HHIP: variants seen among roughly 807,000 people sequenced by gnomAD.
HHIP encodes the protein hedgehog interacting protein.
Under a neutral mutation model 74.0 loss-of-function variants are expected in HHIP, and 12 were observed. That is an observed-to-expected ratio of 0.16 (90% CI 0.10 to 0.26). HHIP has a LOEUF of 0.26. HHIP is among the 10% of genes least tolerant of loss of function. The pLI is 1.00. For synonymous variants in HHIP, 309 were observed against 311.6 expected (o/e 0.99, Z 0.09); for missense variants, 788 against 845.0 (o/e 0.93, Z 0.84).
chr4:144,689,965 C>T (rs781698985), intron 4 of HHIP, among the ~76,000 whole-genome samples: 3 of 152,050 alleles, frequency 2.0e-5, no homozygotes, highest in South Asian at 2.1e-4. Context: ...TGCACCATCA[C>T]GCCCAGCTAA....
chr4:144,708,849 T>C (rs1038443190), intron 7 of HHIP, among the ~76,000 whole-genome samples: 1 of 152,204 alleles, frequency 6.6e-6, no homozygotes, highest in Non-Finnish European at 1.5e-5. Context: ...CAGTGTTAAT[T>C]TGCAAGGAGT....
chr4:144,662,584 G>C (rs1251860779), intron 4 of HHIP, among the ~76,000 whole-genome samples: 2 of 152,196 alleles, frequency 1.3e-5, no homozygotes, highest in African/African-American at 4.8e-5. Flanking sequence ...GTAGTGATTT[G>C]ATAGCTCTTT....
In HHIP at chr4:144,743,800, G is replaced by C. The variant is rs1469057716; in HGVS notation, c.*5843G>C. ...TAAATATGAAATAAGCTTTGTCTTTGCAGTTACAAACTAATTCTTGTACAT... is the reference window on the plus strand; with the variant it reads ...TAAATATGAAATAAGCTTTGTCTTTCCAGTTACAAACTAATTCTTGTACAT... On this transcript the variant is annotated 3_prime_UTR_variant, in exon 13 of 13. Transcript: ENST00000296575. 1.3e-5 allele frequency: 2 copies of C among 151,992 alleles called. No individual in the cohort carries two copies. Among genetic ancestry groups the C allele is most frequent in the African/African-American group, 4.8e-5 (2 of 41,412 alleles). The allele number at this position is 151,992 out of a possible 1,614,324, so 9.4% of individuals were successfully genotyped here. A position where few individuals can be genotyped will look rare whatever the true frequency, so the allele number is the denominator to read the frequency against.
rs1731059565 is a variant in HHIP at position 144,734,767 on chromosome 4, C to G, written c.1787C>G (p.Ala596Gly). 1.3e-6 allele frequency: 2 copies of G among 1,597,456 alleles called. No individual in the cohort carries two copies. Among genetic ancestry groups the G allele is most frequent in the Non-Finnish European group, 1.7e-6 (2 of 1,167,250 alleles). ...CCTTTAATGCCTGAGGAATGCAGAGCCACGGTACAACCTGCACAGACACTG... is the reference window on the plus strand; with the variant it reads ...CCTTTAATGCCTGAGGAATGCAGAGGCACGGTACAACCTGCACAGACACTG... Reference protein sequence around the residue: ...KRPLMPEECRATVQPAQTLTS... With the variant: ...KRPLMPEECRGTVQPAQTLTS... The change falls in exon 12 of 13, where the codon GCC (alanine) becomes GGC (glycine). Residue 596 changes from alanine (A) to glycine (G), a missense_variant. Ala to Gly is a moderately conservative substitution (Grantham distance 60). Around this residue, in one of 3 missense-constraint regions of HHIP, gnomAD observed 343 missense variants for 347.9 expected, o/e 0.99. Coordinates refer to ENST00000296575, the MANE Select transcript of HHIP (RefSeq NM_022475.3).
intron 4 of HHIP, among the ~76,000 whole-genome samples, chr4:144,679,472 G>A (rs1320803450): frequency 6.6e-6 from 1 of 152,104 alleles, no homozygotes; most frequent in Non-Finnish European, 1.5e-5. Flanking sequence ...GTCCTGAATG[G>A]TATTGCCTAA....
intron 4 of HHIP, among the ~76,000 whole-genome samples, chr4:144,682,952 T>C (rs2126623827): frequency 6.6e-6 from 1 of 152,294 alleles, no homozygotes; most frequent in South Asian, 2.1e-4. Flanking sequence ...AAACAAAGCT[T>C]GGATATATTT....
chr4:144,656,027 C>T (rs1323489066), intron 2 of HHIP, among the ~76,000 whole-genome samples: 1 of 152,014 alleles, frequency 6.6e-6, no homozygotes, highest in Non-Finnish European at 1.5e-5. Flanking sequence ...TAGACCTGAC[C>T]ATATTATGAT....
rs1731301387 is a variant in HHIP, at chr4:144,742,977, ATATATACAT to A, written c.*5027_*5035del. 2.9e-3 allele frequency: 4 copies of A among 1,402 alleles called. No individual in the cohort carries two copies. The highest frequency in any genetic ancestry group is 0.029 in the South Asian group (1 of 34). 0.1% of individuals were successfully genotyped at this position (1,402 alleles called of 1,614,324 possible). A position where few individuals can be genotyped will look rare whatever the true frequency, so the allele number is the denominator to read the frequency against. On this transcript the variant is annotated 3_prime_UTR_variant, in exon 13 of 13. Transcript: ENST00000296575. Reference sequence around the variant, plus strand: ...TTATACATATAAGATATATGTATATATATATACATTATATATATATAATATATATATATT... The same window carrying A: ...TTATACATATAAGATATATGTATATATATATATATATAATATATATATATT...
intron 10 of HHIP, 37 bp from the exon 11 acceptor site, chr4:144,718,838 C>A: frequency 8.0e-7 from 1 of 1,249,844 alleles, no homozygotes; most frequent in Non-Finnish European, 1.2e-6. Flanking sequence ...ACCTCTACTG[C>A]TATAAATTTG....
intron 1 of HHIP, among the ~76,000 whole-genome samples, chr4:144,649,470 T>C (rs985446032): frequency 1.3e-5 from 2 of 152,310 alleles, no homozygotes; most frequent in East Asian, 3.9e-4. Context: ...ATTTTTTGTA[T>C]ATTTTAATAA....
chr4:144,698,459 C>T (rs753734007), intron 4 of HHIP, among the ~76,000 whole-genome samples: 9 of 152,124 alleles, frequency 5.9e-5, no homozygotes, highest in Non-Finnish European at 1.2e-4. Context: ...GCTTTGCAGC[C>T]TAGGAGCAAC....
chr4:144,734,312 G>T (rs1287100749), intron 11 of HHIP, among the ~76,000 whole-genome samples: 1 of 151,672 alleles, frequency 6.6e-6, no homozygotes, highest in Non-Finnish European at 1.5e-5. Context: ...CTGTACTACT[G>T]CCAACTGTGT....
chr4:144,697,086 A>C (rs1729842460), intron 4 of HHIP, among the ~76,000 whole-genome samples: 1 of 152,030 alleles, frequency 6.6e-6, no homozygotes, highest in East Asian at 1.9e-4. Context: ...CCTATGGTTC[A>C]TAATAGTTTT....
At chr4:144,665,139 A>T (rs1018113702) in intron 4 of HHIP, among the ~76,000 whole-genome samples, 6 of 152,094 alleles carry the variant, frequency 3.9e-5, no homozygotes, top group African/African-American at 1.4e-4. Flanking sequence ...CAGTGGTGCG[A>T]TCTCAGCTCA....
intron 1 of HHIP, among the ~76,000 whole-genome samples, chr4:144,649,867 T>G (rs1728369408): frequency 1.3e-5 from 2 of 152,192 alleles, no homozygotes; most frequent in Admixed American, 1.3e-4. Flanking sequence ...AACAGCTGCC[T>G]TAGTACAATG....
In HHIP at chr4:144,740,839, A is replaced by G. The variant is rs936432968; in HGVS notation, c.*2882A>G. On this transcript the variant is annotated 3_prime_UTR_variant, in exon 13 of 13. Transcript: ENST00000296575. ...ACGAAATAATGAAAAAGAAAAATGT[A>G]TATTATTATTCCCTTGTCCATTCTC... is the stretch of plus-strand genomic sequence containing the variant. The G allele has an allele frequency of 2.0e-5, 3 of 152,176 alleles. No homozygotes were observed. The highest frequency in any genetic ancestry group is 7.2e-5 in the African/African-American group (3 of 41,454). 9.4% of individuals were successfully genotyped at this position (152,176 alleles called of 1,614,324 possible).
In HHIP at chr4:144,646,679, C is replaced by T. The variant is rs773669842; in HGVS notation, c.4C>T (p.Leu2=). 1.2e-6 allele frequency: 2 copies of T among 1,613,806 alleles called. No homozygotes were observed. Among genetic ancestry groups the T allele is most frequent in the Non-Finnish European group, 8.5e-7 (1 of 1,179,802 alleles). Reference sequence around the variant, plus strand: ...CCCCTGCTGCTCTGGGCAGACGATGCTGAAGATGCTCTCCTTTAAGCTGCT... The same window carrying T: ...CCCCTGCTGCTCTGGGCAGACGATGTTGAAGATGCTCTCCTTTAAGCTGCT... M[L]KMLSFKLLLL... The change falls in exon 1 of 13, where the codon CTG becomes TTG. Residue 2 remains leucine, a synonymous_variant. Transcript: ENST00000296575.
chr4:144,723,100 T>C (rs1273550398), intron 11 of HHIP, among the ~76,000 whole-genome samples: 1 of 152,192 alleles, frequency 6.6e-6, no homozygotes, highest in East Asian at 1.9e-4. Flanking sequence ...TTCCAGAGTT[T>C]ATGTTTCTAG....
intron 12 of HHIP, among the ~76,000 whole-genome samples, chr4:144,736,451 T>C (rs927333301): frequency 6.6e-6 from 1 of 152,132 alleles, no homozygotes; most frequent in Non-Finnish European, 1.5e-5. Context: ...CATCTTTTAG[T>C]AACAGAATAT....
Sources: allele counts gnomAD v4.1 joint callset (sites outside exome capture counted in the v4.1 genomes callset), GRCh38; gene constraint gnomAD v4.1.1; regional missense constraint gnomAD v4.1.1; transcripts MANE v1.5; gene names NCBI Gene and HGNC (gene_info 2026-07-23, HGNC 2026-07-21).